The following CPSF1 variants were observed in gnomAD, a reference collection of about 807,000 sequenced individuals.
CPSF1 encodes the protein cleavage and polyadenylation specific factor 1.
In CPSF1, 106 loss-of-function variants were observed where a neutral mutation model predicts 175.8. The observed-to-expected ratio is 0.60, with a 90% confidence interval of 0.52 to 0.71. The LOEUF is 0.71. CPSF1 is among the 30% of genes least tolerant of loss of function. The pLI is 0.00. For synonymous variants in CPSF1, 1,024 were observed against 858.3 expected, an observed-to-expected ratio of 1.19 and a Z score of -3.37; for missense variants, 1,734 against 2,022.9, an observed-to-expected ratio of 0.86 and a Z score of 2.74.
chr8:144,407,762 G>A (rs1821571411), intron 2 of CPSF1, among the ~76,000 whole-genome samples: 1 of 152,158 alleles, frequency 6.6e-6, no homozygotes, highest in Non-Finnish European at 1.5e-5. Flanking sequence ...GCTCAGGCCA[G>A]TCCTGAACTC....
chr8:144,399,388 C>T lies in CPSF1; in HGVS notation c.1295-15G>A. Reference sequence around the variant, plus strand: ...CTTACCCGCAGCTGCACACAGAGAGCCCACTTGAGCGCAGCCCTGGGTCAC... The same window carrying T: ...CTTACCCGCAGCTGCACACAGAGAGTCCACTTGAGCGCAGCCCTGGGTCAC... On this transcript the variant is annotated splice_polypyrimidine_tract_variant and intron_variant, in intron 13 of 37. Transcript: ENST00000616140. The surrounding 1 kb of genome is among the most constrained non-coding windows in gnomAD (Gnocchi z 6.4). The T allele has an allele frequency of 6.2e-7, 1 of 1,612,774 alleles. No individual in the cohort carries two copies. The highest frequency in any genetic ancestry group is 8.5e-7 in the Non-Finnish European group (1 of 1,179,934).
Position 144,393,276 on chromosome 8 carries a change from G to A in CPSF1, c.*42C>T. The A allele has an allele frequency of 6.8e-7, 1 of 1,464,376 alleles. No individual in the cohort carries two copies. The highest frequency in any genetic ancestry group is 1.4e-5 in the South Asian group (1 of 71,648). The allele number at this position is 1,464,376 out of a possible 1,614,324, so 90.7% of individuals were successfully genotyped here. A position where few individuals can be genotyped will look rare whatever the true frequency, so the allele number is the denominator to read the frequency against. Reference sequence around the variant, plus strand: ...CTTGTGTTTTGTACAAAAAGGGGGTGGGAGGTAGTTCCGTGTGCTGGTGGT... The same window carrying A: ...CTTGTGTTTTGTACAAAAAGGGGGTAGGAGGTAGTTCCGTGTGCTGGTGGT... On this transcript the variant is annotated 3_prime_UTR_variant, in exon 38 of 38. Transcript: ENST00000616140.
chr8:144,395,905 T>C, intron 26 of CPSF1: 1 of 425,638 alleles, frequency 2.3e-6, no homozygotes, highest in Non-Finnish European at 4.3e-6. Context: ...CAGTCCTGAG[T>C]CCTCAGGCAC....
chr8:144,393,388 TG>T, intron 37 of CPSF1, 23 bp from the exon 38 acceptor site: 1 of 468,714 alleles, frequency 2.1e-6, no homozygotes, highest in Non-Finnish European at 3.4e-6. Flanking sequence ...GAAGGGTGGG[TG>T]GGTGGGTGGG....
chr8:144,398,682 G>T (rs1258227369), intron 17 of CPSF1, 44 bp from the exon 18 acceptor site: 1 of 1,608,604 alleles, frequency 6.2e-7, no homozygotes, highest in Non-Finnish European at 8.5e-7. Flanking sequence ...ACAGTCCAGT[G>T]AAGGCAGGCA....
chr8:144,404,849 G>A (rs2116900128), intron 2 of CPSF1, among the ~76,000 whole-genome samples: 4 of 151,784 alleles, frequency 2.6e-5, no homozygotes, highest in South Asian at 2.1e-4. Context: ...GGGGTCAGGC[G>A]ATCGAGACCA....
At chr8:144,401,804 G>A in intron 2 of CPSF1, 131 bp from the exon 3 acceptor site, 1 of 958,592 alleles carries the variant, frequency 1.0e-6, no homozygotes, top group Non-Finnish European at 1.5e-6. Flanking sequence ...TCTGCAGCAG[G>A]GAGAAGGGCT....
intron 23 of CPSF1, 89 bp downstream of exon 23, chr8:144,397,118 G>A (rs1586616425): frequency 1.6e-6 from 2 of 1,283,876 alleles, no homozygotes; most frequent in African/African-American, 3.0e-5. Flanking sequence ...GGGGAGATGG[G>A]GTGGAGCCAC....
chr8:144,401,405 C>T, intron 4 of CPSF1, 25 bp downstream of exon 4: 22 of 1,613,688 alleles, frequency 1.4e-5, no homozygotes, highest in Non-Finnish European at 1.9e-5. Context: ...TTGGCCAGGC[C>T]TACCCCACCA....
intron 2 of CPSF1, among the ~76,000 whole-genome samples, chr8:144,403,867 G>A (rs1323421827): frequency 1.3e-5 from 2 of 151,418 alleles, no homozygotes; most frequent in East Asian, 3.9e-4. Context: ...TCAAATAAAG[G>A]GTATCTACAA....
Position 144,395,167 on chromosome 8 carries a change from T to A in CPSF1, c.3203A>T (p.His1068Leu). ...GATGGAGAAGGCCTCCTGCTGGGGG[T>A]GGATGTACCGCTCATCTGTGGGGAC... ...ETIERDERYI[H>L]PQQEAFSIQL... Residue 1068 changes from histidine to leucine, a missense_variant, in exon 29 of 38, where the codon CAC becomes CTC. Around this residue, in one of 10 missense-constraint regions of CPSF1, gnomAD observed 585 missense variants for 584.7 expected, o/e 1.00. Transcript: ENST00000616140. 6.2e-7 allele frequency: 1 copy of A among 1,611,790 alleles called. No homozygotes were observed. The highest frequency in any genetic ancestry group is 2.2e-5 in the East Asian group (1 of 44,852).
chr8:144,406,188 A>G (rs1821490890), intron 2 of CPSF1, among the ~76,000 whole-genome samples: 1 of 151,028 alleles, frequency 6.6e-6, no homozygotes, highest in Non-Finnish European at 1.5e-5. Flanking sequence ...GAAGAAGAAA[A>G]CCTCTTTTCC....
At chr8:144,394,577 AGCGGGC>A (rs1470015055) in intron 31 of CPSF1, 22 bp from the exon 32 acceptor site, 5 of 1,605,604 alleles carry the variant, frequency 3.1e-6, no homozygotes, top group Non-Finnish European at 4.3e-6. Flanking sequence ...GGCGAGGGTG[AGCGGGC>A]GCGGACGGGG....
chr8:144,400,107 C>A, intron 9 of CPSF1, 22 bp from the exon 10 acceptor site: 1 of 1,596,996 alleles, frequency 6.3e-7, no homozygotes, highest in Non-Finnish European at 8.5e-7. Context: ...GTGGTCAGGC[C>A]GACTAGGCAG....
At chr8:144,405,760 A>G (rs2130781079) in intron 2 of CPSF1, among the ~76,000 whole-genome samples, 1 of 152,262 alleles carries the variant, frequency 6.6e-6, no homozygotes, top group East Asian at 1.9e-4. Context: ...CCTTAAAGTG[A>G]CTGGCAGCTT....
At chr8:144,400,856 C>G in intron 6 of CPSF1, 39 bp from the exon 7 acceptor site, 1 of 1,608,106 alleles carries the variant, frequency 6.2e-7, no homozygotes, top group South Asian at 1.1e-5. Context: ...GGAGGGGAGG[C>G]GGGGAGGGGA....
Position 144,393,242 on chromosome 8 carries a change from A to ATGTT in CPSF1, c.*72_*75dup, listed in dbSNP as rs1333444544. Reference sequence around the variant, plus strand: ...ACCACACACTCCTCTCAAGCAAAAAATGTTTTTCCTTGTGTTTTGTACAAA... The same window carrying ATGTT: ...ACCACACACTCCTCTCAAGCAAAAAATGTTTGTTTTTCCTTGTGTTTTGTACAAA... On this transcript the variant is annotated 3_prime_UTR_variant, in exon 38 of 38. Transcript: ENST00000616140. The ATGTT allele has an allele frequency of 1.4e-6, 2 of 1,413,564 alleles. No homozygotes were observed. Among genetic ancestry groups the ATGTT allele is most frequent in the African/African-American group, 2.9e-5 (2 of 69,106 alleles). The allele number at this position is 1,413,564 out of a possible 1,614,324, so 87.6% of individuals were successfully genotyped here.
chr8:144,405,125 T>G (rs1554868686), intron 2 of CPSF1, among the ~76,000 whole-genome samples: 3 of 151,768 alleles, frequency 2.0e-5, no homozygotes, highest in Non-Finnish European at 1.5e-5. Context: ...TCAAAATAAG[T>G]CCCTACAAGA....
At chr8:144,397,075 TG>T (rs1374550316) in intron 23 of CPSF1, 131 bp downstream of exon 23, 1 of 414,494 alleles carries the variant, frequency 2.4e-6, no homozygotes, top group Non-Finnish European at 3.2e-6. Context: ...GTGAGGGAGA[TG>T]GGGTGGAGCC....
Sources: gnomAD v4.1 joint callset for allele counts (sites outside exome capture counted in the v4.1 genomes callset) on GRCh38, gnomAD v4.1.1 for gene constraint, gnomAD v4.1.1 regional missense constraint, Gnocchi (gnomAD v3.1) non-coding constraint, MANE v1.5 for transcripts, NCBI Gene and HGNC (gene_info 2026-07-23, HGNC 2026-07-21) for gene names.